The following KCND2 variants were observed in gnomAD, a reference collection of about 807,000 sequenced individuals.
KCND2 encodes A-type voltage-gated potassium channel KCND2.
In KCND2, 16 loss-of-function variants were observed where a neutral mutation model predicts 54.4. That is an observed-to-expected ratio of 0.29 (90% CI 0.20 to 0.45). The LOEUF (loss-of-function observed/expected upper bound fraction) is 0.45, where lower values mean the gene tolerates loss of function less well. Ranked by LOEUF, KCND2 falls within the 20% of genes least tolerant of loss-of-function variation. KCND2 has a pLI of 1.00. For missense variants in KCND2, 486 were observed against 824.2 expected (o/e 0.59, Z 5.02); for synonymous variants, 317 against 310.7 (o/e 1.02, Z -0.21).
chr7:120,283,537 G>T (rs2116260276), intron 1 of KCND2, among the ~76,000 whole-genome samples: 1 of 152,122 alleles, frequency 6.6e-6, no homozygotes, highest in Non-Finnish European at 1.5e-5. Flanking sequence ...TCTAAAAAAT[G>T]AGTATTTTCT....
chr7:120,322,770 T>C (rs552909632), intron 1 of KCND2, among the ~76,000 whole-genome samples: 13 of 152,234 alleles, frequency 8.5e-5, no homozygotes, highest in African/African-American at 2.9e-4. Context: ...ATGTCTTGAG[T>C]AAAACTCAGT....
intron 1 of KCND2, among the ~76,000 whole-genome samples, chr7:120,450,575 A>T (rs185921192): frequency 6.6e-6 from 1 of 152,210 alleles, no homozygotes. Flanking sequence ...GAAAGACACT[A>T]AACAACTATG....
chr7:120,305,440 C>T (rs1038341622), intron 1 of KCND2, among the ~76,000 whole-genome samples: 7 of 152,058 alleles, frequency 4.6e-5, no homozygotes, highest in Non-Finnish European at 7.4e-5. Context: ...TATCTTCAAC[C>T]GAGAGACAAT....
At chr7:120,440,729 A>G (rs1377995240) in intron 1 of KCND2, among the ~76,000 whole-genome samples, 1 of 152,058 alleles carries the variant, frequency 6.6e-6, no homozygotes, top group African/African-American at 2.4e-5. Context: ...TCCAAGCACC[A>G]TGTATTGAAG....
At chr7:120,739,728 A>C (rs918041265) in intron 2 of KCND2, among the ~76,000 whole-genome samples, 3 of 151,900 alleles carry the variant, frequency 2.0e-5, no homozygotes, top group Non-Finnish European at 4.4e-5. Flanking sequence ...TGCTACTCTC[A>C]AATGATATGT....
intron 1 of KCND2, among the ~76,000 whole-genome samples, chr7:120,670,728 A>G (rs1791981019): frequency 6.6e-6 from 1 of 152,002 alleles, no homozygotes; most frequent in Non-Finnish European, 1.5e-5. Flanking sequence ...CATCCTGGCT[A>G]ACACGGTGAA....
intron 1 of KCND2, among the ~76,000 whole-genome samples, chr7:120,456,410 T>A (rs1442946602): frequency 6.6e-6 from 1 of 152,202 alleles, no homozygotes; most frequent in Non-Finnish European, 1.5e-5. Context: ...TGGCATTGAT[T>A]TGGCACTTTA....
intron 1 of KCND2, among the ~76,000 whole-genome samples, chr7:120,546,633 C>T (rs1160078162): frequency 6.6e-6 from 1 of 151,908 alleles, no homozygotes; most frequent in East Asian, 1.9e-4. Flanking sequence ...TATAATTCTT[C>T]TATCTCCTGG....
In KCND2 at chr7:120,383,397, T is replaced by A. The variant is rs191787591; in HGVS notation, c.1115+107650T>A. Among the ~76,000 whole-genome samples the A allele has an allele frequency of 2.4e-3, 358 of 152,128 alleles. 2 individuals carry two copies. Among genetic ancestry groups the A allele is most frequent in the African/African-American group, 8.2e-3 (341 of 41,558 alleles). On this transcript the variant is annotated intron_variant, in intron 1 of 5. Coordinates refer to ENST00000331113, the MANE Select transcript of KCND2 (RefSeq NM_012281.3). ...TGAACAAATTACTTAAGAAACAATATATGTGAATAATATTCAAATTAAGTT... is the reference window on the plus strand; with the variant it reads ...TGAACAAATTACTTAAGAAACAATAAATGTGAATAATATTCAAATTAAGTT...
chr7:120,658,541 C>A (rs936790114), intron 1 of KCND2, among the ~76,000 whole-genome samples: 2 of 152,142 alleles, frequency 1.3e-5, no homozygotes, highest in Non-Finnish European at 2.9e-5. Context: ...CTTCATTAGA[C>A]CAGTTTTCTG....
intron 1 of KCND2, among the ~76,000 whole-genome samples, chr7:120,595,459 A>AT (rs1562883122): frequency 3.9e-5 from 4 of 102,976 alleles, no homozygotes; most frequent in African/African-American, 1.7e-4. Flanking sequence ...ACCAAAAAAA[A>AT]AATATATATA....
intron 1 of KCND2, among the ~76,000 whole-genome samples, chr7:120,588,935 G>C (rs1263967837): frequency 6.6e-6 from 1 of 152,074 alleles, no homozygotes; most frequent in East Asian, 1.9e-4. Flanking sequence ...ATCATCTCTT[G>C]TGCTAGGTTG....
chr7:120,740,623 G>A (rs894344251), intron 2 of KCND2, among the ~76,000 whole-genome samples: 1 of 152,094 alleles, frequency 6.6e-6, no homozygotes, highest in Non-Finnish European at 1.5e-5. Context: ...CAGAAATCTG[G>A]CTACACAGCC....
chr7:120,398,155 A>C (rs1400812010), intron 1 of KCND2, among the ~76,000 whole-genome samples: 1 of 129,506 alleles, frequency 7.7e-6, no homozygotes, highest in Non-Finnish European at 1.5e-5. Flanking sequence ...ATATGTATAT[A>C]CATATATACA....
chr7:120,665,564 C>T (rs1393336291), intron 1 of KCND2, among the ~76,000 whole-genome samples: 1 of 151,962 alleles, frequency 6.6e-6, no homozygotes, highest in East Asian at 1.9e-4. Context: ...GGTATGAAGG[C>T]AGGGTGTTGT....
At chr7:120,648,620 A>G (rs1453760259) in intron 1 of KCND2, among the ~76,000 whole-genome samples, 1 of 152,210 alleles carries the variant, frequency 6.6e-6, no homozygotes, top group Non-Finnish European at 1.5e-5. Context: ...AATTGGGGTC[A>G]CTGTGTTAGC....
intron 1 of KCND2, among the ~76,000 whole-genome samples, chr7:120,294,815 T>TAC (rs1174097896): frequency 6.6e-6 from 1 of 151,828 alleles, no homozygotes; most frequent in East Asian, 1.9e-4. Context: ...GATATGTACA[T>TAC]ACACACATAT....
chr7:120,481,236 G>C (rs1390287386), intron 1 of KCND2, among the ~76,000 whole-genome samples: 1 of 152,146 alleles, frequency 6.6e-6, no homozygotes, highest in Non-Finnish European at 1.5e-5. Flanking sequence ...TGGAACTTAA[G>C]AATGATGAAC....
At chr7:120,623,993 T>C (rs1159159047) in intron 1 of KCND2, among the ~76,000 whole-genome samples, 1 of 152,206 alleles carries the variant, frequency 6.6e-6, no homozygotes, top group African/African-American at 2.4e-5. Flanking sequence ...AAATATTGTC[T>C]GACAAGCAAT....
Sources: allele counts gnomAD v4.1 joint callset (sites outside exome capture counted in the v4.1 genomes callset), GRCh38; gene constraint gnomAD v4.1.1; transcripts MANE v1.5; gene names NCBI Gene and HGNC (gene_info 2026-07-23, HGNC 2026-07-21).